DOCK9: variants seen among roughly 807,000 people sequenced by gnomAD.
The protein encoded by DOCK9 is dedicator of cytokinesis 9.
A neutral mutation model predicts 263.3 loss-of-function variants in DOCK9; 89 were observed. That is an observed-to-expected ratio of 0.34 (90% CI 0.28 to 0.40). DOCK9 has a LOEUF of 0.40. Ranked by LOEUF, DOCK9 falls within the 10% of genes least tolerant of loss-of-function variation. The pLI is 1.00. For missense variants in DOCK9, 2,140 were observed against 2,603.4 expected, an observed-to-expected ratio of 0.82 and a Z score of 3.87; for synonymous variants, 976 against 973.1, an observed-to-expected ratio of 1.00 and a Z score of -0.06.
chr13:98,966,204 G>A (rs189691585), intron 1 of DOCK9, among the ~76,000 whole-genome samples: 4 of 152,328 alleles, frequency 2.6e-5, no homozygotes, highest in South Asian at 4.1e-4. Context: ...GTCACATGAG[G>A]AGAGAGCTAG....
At chr13:99,032,592 G>A (rs564814148) in intron 1 of DOCK9, among the ~76,000 whole-genome samples, 1 of 151,694 alleles carries the variant, frequency 6.6e-6, no homozygotes, top group East Asian at 1.9e-4. Flanking sequence ...AACTGAAAGG[G>A]GAAGTACTAT....
chr13:98,953,378 G>A (rs1288594472), intron 2 of DOCK9, among the ~76,000 whole-genome samples: 1 of 152,196 alleles, frequency 6.6e-6, no homozygotes, highest in Non-Finnish European at 1.5e-5. Flanking sequence ...AAGCAAAGGG[G>A]ACACAGAAGT....
At chr13:98,806,561 A>G (rs1169155311) in intron 48 of DOCK9, among the ~76,000 whole-genome samples, 4 of 152,232 alleles carry the variant, frequency 2.6e-5, no homozygotes, top group Non-Finnish European at 4.4e-5. Flanking sequence ...AAAAATGAAA[A>G]AACAGATGGA....
intron 1 of DOCK9, among the ~76,000 whole-genome samples, chr13:99,055,283 T>C (rs1191908917): frequency 6.6e-6 from 1 of 152,188 alleles, no homozygotes; most frequent in Non-Finnish European, 1.5e-5. Flanking sequence ...TAGGGTCCCA[T>C]TGGAGATTAG....
chr13:98,910,389 A>C (rs1319427481), intron 9 of DOCK9, among the ~76,000 whole-genome samples: 1 of 152,214 alleles, frequency 6.6e-6, no homozygotes, highest in African/African-American at 2.4e-5. Context: ...AACCAGTTTT[A>C]GGGTAAATAC....
chr13:99,016,345 C>T (rs1885409991), intron 1 of DOCK9, among the ~76,000 whole-genome samples: 1 of 152,114 alleles, frequency 6.6e-6, no homozygotes, highest in Admixed American at 6.5e-5. Context: ...ATTGCTGTGT[C>T]GATCTTGACT....
chr13:99,010,681 CT>C (rs1884320260), intron 1 of DOCK9, among the ~76,000 whole-genome samples: 1 of 152,228 alleles, frequency 6.6e-6, no homozygotes, highest in Non-Finnish European at 1.5e-5. Context: ...GGTGTCTATA[CT>C]TGAAATTCAG....
chr13:98,819,699 G>A (rs191072335), intron 45 of DOCK9, among the ~76,000 whole-genome samples: 2 of 152,304 alleles, frequency 1.3e-5, no homozygotes, highest in East Asian at 3.9e-4. Flanking sequence ...TGACTTTCAC[G>A]GCTCCAGGAC....
At chr13:98,883,684 T>C in intron 22 of DOCK9, 129 bp downstream of exon 22, 1 of 586,070 alleles carries the variant, frequency 1.7e-6, no homozygotes, top group Non-Finnish European at 2.9e-6. Flanking sequence ...TTGTACTTTC[T>C]TTCTTTAGAA....
chr13:98,880,785 G>A (rs563642775), intron 25 of DOCK9, 113 bp from the exon 26 acceptor site: 11 of 1,371,822 alleles, frequency 8.0e-6, no homozygotes, highest in Non-Finnish European at 1.1e-5. Flanking sequence ...TCATTTGTGG[G>A]AGAGGAAGGT....
At chr13:98,973,327 C>T (rs1270166702) in intron 1 of DOCK9, among the ~76,000 whole-genome samples, 1 of 152,140 alleles carries the variant, frequency 6.6e-6, no homozygotes, top group African/African-American at 2.4e-5. Context: ...CTAGAGCAAA[C>T]AGAACTTCAG....
intron 27 of DOCK9, among the ~76,000 whole-genome samples, chr13:98,871,525 G>A (rs539376024): frequency 6.6e-6 from 1 of 152,298 alleles, no homozygotes; most frequent in African/African-American, 2.4e-5. Context: ...GTCTTTTTAC[G>A]AGGTATCATA....
rs763052864 is a variant in DOCK9 at position 98,885,028 on chromosome 13, C to A, written c.2325G>T (p.Pro775=). Residue 775 remains proline (P), a synonymous_variant, in exon 21 of 53, where the codon CCG becomes CCT. Transcript: ENST00000682017. ...GRVVTSEQHI[P]VSANLPSGYL... ...AGCCCGAAGGAAGGTTCGCCGAGAC[C>A]GGGATGTGCTGCTCGCTTGTCACCA... 6.2e-7 allele frequency: 1 copy of A among 1,613,650 alleles called. No homozygotes were observed. Among genetic ancestry groups the A allele is most frequent in the South Asian group, 1.1e-5 (1 of 90,996 alleles).
intron 1 of DOCK9, among the ~76,000 whole-genome samples, chr13:99,011,956 G>A (rs1884558793): frequency 6.6e-6 from 1 of 152,034 alleles, no homozygotes; most frequent in Non-Finnish European, 1.5e-5. Flanking sequence ...CAAGTAGCTG[G>A]GGCTACTTGG....
intron 1 of DOCK9, among the ~76,000 whole-genome samples, chr13:99,048,826 T>C (rs1472749965): frequency 2.6e-5 from 4 of 152,236 alleles, no homozygotes. Context: ...CTTCCCACTT[T>C]GTTAGGTAAA....
chr13:99,082,892 T>C (rs1375823178), intron 1 of DOCK9, among the ~76,000 whole-genome samples: 1 of 152,208 alleles, frequency 6.6e-6, no homozygotes, highest in Non-Finnish European at 1.5e-5. Flanking sequence ...TTACAACCCA[T>C]GCTCTAAACT....
chr13:99,012,683 C>A (rs775059365), intron 1 of DOCK9, among the ~76,000 whole-genome samples: 2 of 152,134 alleles, frequency 1.3e-5, no homozygotes, highest in Admixed American at 6.5e-5. Context: ...TTAAGAAATG[C>A]GTCATCAATA....
At chr13:98,804,661 T>C (rs2090485369) in intron 49 of DOCK9, among the ~76,000 whole-genome samples, 1 of 152,162 alleles carries the variant, frequency 6.6e-6, no homozygotes, top group African/African-American at 2.4e-5. Context: ...GGACTGGGTG[T>C]GGCTGCTGGA....
chr13:98,826,906 G>T lies in DOCK9; in HGVS notation c.4966-19C>A. On this transcript the variant is annotated intron_variant, in intron 43 of 52. Transcript: ENST00000682017. ...TTGCTGCCTATAATAGAAGACACAT[G>T]CCTCAGAATCATCATTCATAACAGC... 1 of 1,596,660 alleles carries T rather than the reference G, an allele frequency of 6.3e-7. No individual in the cohort carries two copies. Among genetic ancestry groups the T allele is most frequent in the Non-Finnish European group, 8.6e-7 (1 of 1,168,742 alleles).
Sources: gnomAD v4.1 joint callset for allele counts (sites outside exome capture counted in the v4.1 genomes callset) on GRCh38, gnomAD v4.1.1 for gene constraint, MANE v1.5 for transcripts, NCBI Gene and HGNC (gene_info 2026-07-23, HGNC 2026-07-21) for gene names.